Variants in ENAH observed in about 807,000 individuals in gnomAD.
ENAH encodes the protein protein enabled homolog.
ENAH carries 23 observed loss-of-function variants against 78.7 expected under a neutral mutation model. The observed-to-expected ratio is 0.29, with a 90% CI of 0.21 to 0.41. The LOEUF is 0.41. Among genes scored for constraint, ENAH ranks in the 10% least tolerant of loss-of-function variants. The probability of loss-of-function intolerance (pLI) is 1.00; values close to 1 mark genes in which losing one functional copy is unlikely to be tolerated. For synonymous variants in ENAH, 226 were observed against 241.0 expected (o/e 0.94, Z 0.58); for missense variants, 544 against 691.0 (o/e 0.79, Z 2.39).
intron 1 of ENAH, among the ~76,000 whole-genome samples, chr1:225,615,688 A>G (rs1198064257): frequency 7.3e-6 from 1 of 136,506 alleles, no homozygotes; most frequent in African/African-American, 2.8e-5. Context: ...GCCTCTGCCC[A>G]GCCGCGACCC....
chr1:225,545,937 T>A (rs867966791), intron 3 of ENAH, among the ~76,000 whole-genome samples: 39 of 67,260 alleles, frequency 5.8e-4, no homozygotes, highest in East Asian at 1.8e-3. Context: ...TTTTTTTTTT[T>A]AAAGACACAG....
chr1:225,557,543 C>T (rs1262402330), intron 2 of ENAH, among the ~76,000 whole-genome samples: 1 of 152,118 alleles, frequency 6.6e-6, no homozygotes, highest in Non-Finnish European at 1.5e-5. Flanking sequence ...TCTTTCACAC[C>T]AGGCAGGTGG....
At position 225,496,866 on chromosome 1, in the gene ENAH, A is replaced by G. The variant is rs1166145625; in HGVS notation, c.*909T>C. ...GGGACTAGGCCTTGAAAAGGCCACTACATATTAGTGTGACATGCATTACTG... is the reference window on the plus strand; with the variant it reads ...GGGACTAGGCCTTGAAAAGGCCACTGCATATTAGTGTGACATGCATTACTG... On this transcript the variant is annotated 3_prime_UTR_variant, in exon 14 of 14. Coordinates refer to ENST00000366843, the MANE Select transcript of ENAH (RefSeq NM_018212.6). 4 of 152,656 alleles carry G rather than the reference A, an allele frequency of 2.6e-5. No homozygotes were observed. The highest frequency in any genetic ancestry group is 5.9e-5 in the Non-Finnish European group (4 of 68,030). The allele number at this position is 152,656 out of a possible 1,614,324, so 9.5% of individuals were successfully genotyped here. A position where few individuals can be genotyped will look rare whatever the true frequency, so the allele number is the denominator to read the frequency against.
At chr1:225,528,440 T>C (rs1192209955) in intron 4 of ENAH, among the ~76,000 whole-genome samples, 1 of 152,100 alleles carries the variant, frequency 6.6e-6, no homozygotes, top group East Asian at 1.9e-4. Context: ...GGTGAGTTCC[T>C]AAATGCCAGG....
At chr1:225,562,742 T>C (rs1275870921) in intron 2 of ENAH, among the ~76,000 whole-genome samples, 8 of 151,924 alleles carry the variant, frequency 5.3e-5, no homozygotes, top group Non-Finnish European at 1.2e-4. Context: ...GCTCTTACTA[T>C]AGAAAGTTTA....
chr1:225,640,913 T>G (rs1660910482), intron 1 of ENAH, among the ~76,000 whole-genome samples: 1 of 149,952 alleles, frequency 6.7e-6, no homozygotes, highest in Non-Finnish European at 1.5e-5. Context: ...TTTTTTTTTT[T>G]GAGACAGAGT....
intron 1 of ENAH, among the ~76,000 whole-genome samples, chr1:225,647,783 T>C (rs549088426): frequency 6.6e-6 from 1 of 152,126 alleles, no homozygotes; most frequent in Non-Finnish European, 1.5e-5. Flanking sequence ...AGCAACGCAG[T>C]CAAAGTCAAA....
Position 225,492,539 on chromosome 1 carries a change from T to C in ENAH, c.*5236A>G, listed in dbSNP as rs535471271. On this transcript the variant is annotated 3_prime_UTR_variant, in exon 14 of 14. Transcript: ENST00000366843. ...TCTACGGGCCCTGCTCTCTGCTCTTTATGAGTATTTAACATGCTTCACAGA... is the reference window on the plus strand; with the variant it reads ...TCTACGGGCCCTGCTCTCTGCTCTTCATGAGTATTTAACATGCTTCACAGA... 2 of 152,274 alleles carry C rather than the reference T, an allele frequency of 1.3e-5. No homozygotes were observed. The highest frequency in any genetic ancestry group is 2.1e-4 in the South Asian group (1 of 4,828). 9.4% of individuals were successfully genotyped at this position (152,274 alleles called of 1,614,324 possible). A position where few individuals can be genotyped will look rare whatever the true frequency, so the allele number is the denominator to read the frequency against.
chr1:225,565,842 G>C (rs1374574029), intron 2 of ENAH, among the ~76,000 whole-genome samples: 1 of 152,100 alleles, frequency 6.6e-6, no homozygotes, highest in Non-Finnish European at 1.5e-5. Flanking sequence ...AGAGGAAAAC[G>C]CAGGAAGACT....
rs1173728256 is a variant in ENAH, at chr1:225,491,228, C to T, written c.*6547G>A. ...CGGTCTTAGCTCACTGCAACCTCCACCTCCTGGATTCAAGCGACTCTTCTG... is the reference window on the plus strand; with the variant it reads ...CGGTCTTAGCTCACTGCAACCTCCATCTCCTGGATTCAAGCGACTCTTCTG... On this transcript the variant is annotated 3_prime_UTR_variant, in exon 14 of 14. Transcript: ENST00000366843. The T allele has an allele frequency of 6.6e-6, 1 of 152,266 alleles. No homozygotes were observed. Among genetic ancestry groups the T allele is most frequent in the Non-Finnish European group, 1.5e-5 (1 of 68,074 alleles). The allele number at this position is 152,266 out of a possible 1,614,324, so 9.4% of individuals were successfully genotyped here.
intron 1 of ENAH, among the ~76,000 whole-genome samples, chr1:225,622,999 A>G (rs1306037618): frequency 1.3e-5 from 2 of 152,168 alleles, no homozygotes; most frequent in African/African-American, 4.8e-5. Flanking sequence ...AGTTTACAGA[A>G]CCTTCTCAAC....
At chr1:225,566,866 T>G (rs905889119) in intron 2 of ENAH, among the ~76,000 whole-genome samples, 1 of 152,238 alleles carries the variant, frequency 6.6e-6, no homozygotes, top group Admixed American at 6.5e-5. Context: ...CTATCTATAC[T>G]TTCAACTCCC....
At chr1:225,513,347 C>CCGGGG (rs1311486176) in intron 7 of ENAH, among the ~76,000 whole-genome samples, 1 of 151,948 alleles carries the variant, frequency 6.6e-6, no homozygotes, top group African/African-American at 2.4e-5. Flanking sequence ...ATCAGATAAG[C>CCGGGG]CAAAGTGAAG....
At chr1:225,499,521 A>C (rs1388380279) in intron 12 of ENAH, among the ~76,000 whole-genome samples, 1 of 152,100 alleles carries the variant, frequency 6.6e-6, no homozygotes, top group East Asian at 1.9e-4. Context: ...AAACTACAAA[A>C]GTTAGCCGGG....
At chr1:225,587,565 T>C (rs1248233037) in intron 1 of ENAH, among the ~76,000 whole-genome samples, 1 of 152,218 alleles carries the variant, frequency 6.6e-6, no homozygotes, top group Non-Finnish European at 1.5e-5. Context: ...ATTGTTAAGA[T>C]GTCAAGTCTC....
intron 1 of ENAH, among the ~76,000 whole-genome samples, chr1:225,643,991 A>G (rs1661525069): frequency 6.6e-6 from 1 of 152,110 alleles, no homozygotes; most frequent in Non-Finnish European, 1.5e-5. Context: ...ATGGAAAGGG[A>G]CAAGCTACAA....
At position 225,498,445 on chromosome 1, in the gene ENAH, T is replaced by C. The variant is rs2096262065; in HGVS notation, c.1618-41A>G. 2.4e-6 allele frequency: 3 copies of C among 1,252,320 alleles called. No individual in the cohort carries two copies. The East Asian group carries it at 7.2e-5, about 30-fold the overall frequency. The allele number at this position is 1,252,320 out of a possible 1,614,324, so 77.6% of individuals were successfully genotyped here. On this transcript the variant is annotated intron_variant, in intron 12 of 13. Transcript: ENST00000366843. ...AAAATACCAGAAATACAGAACAAAA[T>C]TACCACTAAAGAGATTCTTACTCAT...
chr1:225,612,515 T>C (rs923333992), intron 1 of ENAH, among the ~76,000 whole-genome samples: 4 of 152,214 alleles, frequency 2.6e-5, no homozygotes, highest in African/African-American at 9.7e-5. Context: ...GTGGCAATGG[T>C]TGCACAACAC....
intron 3 of ENAH, among the ~76,000 whole-genome samples, chr1:225,542,289 A>G (rs2096593318): frequency 6.6e-6 from 1 of 152,218 alleles, no homozygotes; most frequent in Non-Finnish European, 1.5e-5. Context: ...CAGGACCTGA[A>G]TACCCTTTTC....
Sources: gnomAD v4.1 joint callset for allele counts (sites outside exome capture counted in the v4.1 genomes callset) on GRCh38, gnomAD v4.1.1 for gene constraint, MANE v1.5 for transcripts, NCBI Gene and HGNC (gene_info 2026-07-23, HGNC 2026-07-21) for gene names.